NDST4: variants seen among roughly 807,000 people sequenced by gnomAD.
NDST4 encodes the protein N-heparan sulfate sulfotransferase 4.
Under a neutral mutation model 100.8 loss-of-function variants are expected in NDST4, and 63 were observed. The ratio of observed to expected loss-of-function variants is 0.62; its 90% CI spans 0.51 to 0.77. NDST4 has a LOEUF of 0.77. Among genes scored for constraint, NDST4 ranks in the 30% least tolerant of loss-of-function variants. The pLI is 0.00. For synonymous variants in NDST4, 377 were observed against 361.8 expected (o/e 1.04, Z -0.48); for missense variants, 943 against 1,018.4 (o/e 0.93, Z 1.01).
chr4:114,894,123 G>A (rs1166261956), intron 6 of NDST4, among the ~76,000 whole-genome samples: 3 of 152,160 alleles, frequency 2.0e-5, no homozygotes, highest in Admixed American at 6.5e-5. Context: ...CTAGTACCAT[G>A]CTGTTTTTGT....
At chr4:115,110,034 AT>A (rs1274646264) in intron 1 of NDST4, among the ~76,000 whole-genome samples, 3 of 151,896 alleles carry the variant, frequency 2.0e-5, no homozygotes, top group Non-Finnish European at 4.4e-5. Context: ...TTTTCAGACT[AT>A]TTTAGCTTTT....
intron 2 of NDST4, among the ~76,000 whole-genome samples, chr4:115,063,772 T>C (rs1728872951): frequency 6.6e-6 from 1 of 151,986 alleles, no homozygotes; most frequent in Non-Finnish European, 1.5e-5. Context: ...ATTTAAGGAC[T>C]CTTATAAAAG....
chr4:115,068,268 A>G (rs1312370996), intron 2 of NDST4, among the ~76,000 whole-genome samples: 1 of 152,124 alleles, frequency 6.6e-6, no homozygotes, highest in Admixed American at 6.6e-5. Flanking sequence ...TAAAGGCATG[A>G]AAACGTTCAT....
At chr4:114,969,396 G>T (rs964322717) in intron 4 of NDST4, among the ~76,000 whole-genome samples, 2 of 150,632 alleles carry the variant, frequency 1.3e-5, no homozygotes, top group African/African-American at 2.4e-5. Context: ...GTGTCATGGA[G>T]TTTCAGTGTA....
chr4:115,014,367 A>C lies in NDST4; in HGVS notation c.979-37093T>G, dbSNP rs180749781. ...ACTTATGGGTAAGACATTTGCAAAT[A>C]AGATGGTACGGAGTAAATCCAACAA... On this transcript the variant is annotated intron_variant, in intron 2 of 13. Transcript: ENST00000264363. Among the ~76,000 whole-genome samples the C allele has an allele frequency of 1.1e-4, 17 of 152,216 alleles. No homozygotes were observed. The East Asian group carries it at 3.3e-3, about 29-fold the overall frequency.
At chr4:115,052,056 C>A (rs1386417738) in intron 2 of NDST4, among the ~76,000 whole-genome samples, 24 of 151,956 alleles carry the variant, frequency 1.6e-4, no homozygotes, top group Admixed American at 1.6e-3. Context: ...TTTTCATATA[C>A]CTGTTAGTCA....
At chr4:115,009,023 T>C (rs11724358) in intron 2 of NDST4, among the ~76,000 whole-genome samples, 80,012 of 120,678 alleles carry the variant, frequency 0.66, 33,853 homozygotes, top group Non-Finnish European at 0.83. Flanking sequence ...CACTGCTCAA[T>C]GAAATAAAAG....
chr4:114,914,254 A>C (rs1470807768), intron 6 of NDST4, among the ~76,000 whole-genome samples: 1 of 152,006 alleles, frequency 6.6e-6, no homozygotes, highest in Non-Finnish European at 1.5e-5. Flanking sequence ...AATAAATAAG[A>C]CCTACTGTGT....
intron 2 of NDST4, among the ~76,000 whole-genome samples, chr4:115,016,264 T>C (rs1727674853): frequency 6.6e-6 from 1 of 152,080 alleles, no homozygotes; most frequent in Non-Finnish European, 1.5e-5. Context: ...AGGTGGCAAT[T>C]CTTTGCAGCT....
At chr4:114,886,647 T>C (rs17583437) in intron 6 of NDST4, among the ~76,000 whole-genome samples, 14,051 of 152,182 alleles carry the variant, frequency 0.092, 714 homozygotes, top group African/African-American at 0.15. Flanking sequence ...TTTGTGGTTT[T>C]GCTCATTACC....
intron 2 of NDST4, among the ~76,000 whole-genome samples, chr4:115,007,187 A>T (rs1013950920): frequency 1.1e-4 from 17 of 152,172 alleles, no homozygotes; most frequent in African/African-American, 4.1e-4. Flanking sequence ...AACTCTCACT[A>T]CCATACTATC....
chr4:114,841,831 C>T (rs1189167991), intron 10 of NDST4, among the ~76,000 whole-genome samples: 1 of 152,238 alleles, frequency 6.6e-6, no homozygotes. Flanking sequence ...ATAAATTTTG[C>T]TTCCAATCTA....
At chr4:114,841,994 T>G (rs1723436333) in intron 10 of NDST4, among the ~76,000 whole-genome samples, 2 of 152,318 alleles carry the variant, frequency 1.3e-5, no homozygotes, top group Admixed American at 6.5e-5. Context: ...CTTGTTATCC[T>G]ACTCCACCCT....
chr4:115,093,535 G>T (rs1729564029), intron 1 of NDST4, among the ~76,000 whole-genome samples: 1 of 151,838 alleles, frequency 6.6e-6, no homozygotes, highest in Non-Finnish European at 1.5e-5. Flanking sequence ...TGGTCTAAAA[G>T]ACATATGCAA....
chr4:115,040,242 C>T (rs1216310017), intron 2 of NDST4, among the ~76,000 whole-genome samples: 1 of 149,758 alleles, frequency 6.7e-6, no homozygotes, highest in Non-Finnish European at 1.5e-5. Flanking sequence ...ATAAAATATA[C>T]AATAGATCTA....
At chr4:114,881,374 T>C (rs1724363888) in intron 6 of NDST4, among the ~76,000 whole-genome samples, 1 of 151,982 alleles carries the variant, frequency 6.6e-6, no homozygotes, top group African/African-American at 2.4e-5. Flanking sequence ...AAAGGAAGGA[T>C]CGAAGGTATA....
Position 115,093,793 on chromosome 4 carries a change from T to G in NDST4, c.-246-16511A>C, listed in dbSNP as rs536307141. Among the ~76,000 whole-genome samples the G allele has an allele frequency of 1.2e-3, 177 of 152,082 alleles. 1 individual carries two copies. Among genetic ancestry groups the G allele is most frequent in the African/African-American group, 4.1e-3 (171 of 41,526 alleles). On this transcript the variant is annotated intron_variant, in intron 1 of 13. Transcript: ENST00000264363. ...TAAATAAGATATGAGTAAAATACAT[T>G]TAAGAGTTTTAGAAGCATGTACCTG...
At chr4:115,023,680 G>T (rs1431271808) in intron 2 of NDST4, among the ~76,000 whole-genome samples, 1 of 152,070 alleles carries the variant, frequency 6.6e-6, no homozygotes, top group African/African-American at 2.4e-5. Context: ...GCCATGAAAA[G>T]AGTAAAAAAC....
At chr4:114,959,810 C>T (rs1291747029) in intron 4 of NDST4, among the ~76,000 whole-genome samples, 6 of 151,778 alleles carry the variant, frequency 4.0e-5, no homozygotes, top group African/African-American at 1.5e-4. Context: ...ATTAAATGTA[C>T]CAATATATGT....
Sources: gnomAD v4.1 joint callset for allele counts (sites outside exome capture counted in the v4.1 genomes callset) on GRCh38, gnomAD v4.1.1 for gene constraint, MANE v1.5 for transcripts, NCBI Gene and HGNC (gene_info 2026-07-23, HGNC 2026-07-21) for gene names.